Variants in SLC3A2 observed in about 807,000 individuals in gnomAD.
SLC3A2 encodes solute carrier family 3 member 2, also known as amino acid transporter heavy chain SLC3A2.
In SLC3A2, 32 loss-of-function variants were observed where a neutral mutation model predicts 48.5. The ratio of observed to expected loss-of-function variants is 0.66; its 90% CI spans 0.50 to 0.89. SLC3A2 has a LOEUF of 0.89. Ranked by LOEUF, SLC3A2 falls within the 40% of genes least tolerant of loss-of-function variation. SLC3A2 has a pLI of 0.00. For missense variants in SLC3A2, 587 were observed against 680.7 expected (o/e 0.86, Z 1.53); for synonymous variants, 277 against 288.8 (o/e 0.96, Z 0.41).
Position 62,881,631 on chromosome 11 carries a change from G to A in SLC3A2, c.424+184G>A. On this transcript the variant is annotated intron_variant, in intron 1 of 8. Coordinates refer to ENST00000338663, the MANE Select transcript of SLC3A2 (RefSeq NM_001013251.3). The surrounding 1 kb of genome is among the most constrained non-coding windows in gnomAD (Gnocchi z 4.0). ...TTCCCTCCTTTCTTTGAAGAAAGCC[G>A]ACCCGCCCCTCACTCCGTCACGAGG... 1.1e-6 allele frequency: 1 copy of A among 932,018 alleles called. No individual in the cohort carries two copies. The highest frequency in any genetic ancestry group is 1.9e-5 in the South Asian group (1 of 53,890). 57.7% of individuals were successfully genotyped at this position (932,018 alleles called of 1,614,324 possible). A position where few individuals can be genotyped will look rare whatever the true frequency, so the allele number is the denominator to read the frequency against.
chr11:62,866,181 G>A (rs1001982967), intron 1 of SLC3A2, among the ~76,000 whole-genome samples: 3 of 150,974 alleles, frequency 2.0e-5, no homozygotes, highest in Middle Eastern at 3.4e-3. Flanking sequence ...GCAATGGTAC[G>A]ATCTTGGCTC....
At chr11:62,856,441 A>C in intron 1 of SLC3A2, 1 of 1,442,562 alleles carries the variant, frequency 6.9e-7, no homozygotes, top group African/African-American at 1.4e-5. Flanking sequence ...ATTTCGGGAA[A>C]GTATGTCAGG....
At position 62,871,560 on chromosome 11, in the gene SLC3A2, A is replaced by C. The variant is rs193298678; in HGVS notation, c.113-9459A>C. 672 of 631,034 alleles carry C rather than the reference A, an allele frequency of 1.1e-3. 4 individuals are homozygous for C. The highest frequency in any genetic ancestry group is 9.5e-3 in the African/African-American group (508 of 53,464). 39.1% of individuals were successfully genotyped at this position (631,034 alleles called of 1,614,324 possible). A position where few individuals can be genotyped will look rare whatever the true frequency, so the allele number is the denominator to read the frequency against. On this transcript the variant is annotated intron_variant, in intron 1 of 9. Coordinates refer to the SLC3A2 transcript ENST00000377889. ...CAACCATACTTTATATAATATTATT[A>C]TTATTATTATTTGTAGAGACGGGGT...
chr11:62,856,418 CTTT>C (rs965995609), intron 1 of SLC3A2: 10 of 1,552,244 alleles, frequency 6.4e-6, no homozygotes, highest in African/African-American at 1.4e-5. Flanking sequence ...AGGAGGTCCC[CTTT>C]GGTGGGGCCA....
At chr11:62,873,455 C>T (rs2085538261) in intron 1 of SLC3A2, among the ~76,000 whole-genome samples, 1 of 150,802 alleles carries the variant, frequency 6.6e-6, no homozygotes, top group Admixed American at 6.6e-5. Flanking sequence ...CACCACTGCA[C>T]ACCAGCCAGG....
upstream of SLC3A2, among the ~76,000 whole-genome samples, chr11:62,879,177 C>T (rs904936605): frequency 2.0e-5 from 3 of 152,154 alleles, no homozygotes; most frequent in Admixed American, 1.3e-4. Context: ...AAGCGATTCT[C>T]ATGCCACAGC....
upstream of SLC3A2, chr11:62,880,878 C>T (rs771842814): frequency 2.9e-5 from 41 of 1,421,002 alleles, no homozygotes; most frequent in Non-Finnish European, 3.7e-5. Flanking sequence ...TTCCCAGAGG[C>T]CGCGCCTGCT....
upstream of SLC3A2, among the ~76,000 whole-genome samples, chr11:62,879,630 T>C (rs1477331369): frequency 6.6e-6 from 1 of 152,220 alleles, no homozygotes; most frequent in East Asian, 1.9e-4. Context: ...GTGACCCTTT[T>C]CTCTATGCTA....
upstream of SLC3A2, among the ~76,000 whole-genome samples, chr11:62,879,762 C>G (rs988373941): frequency 6.6e-6 from 1 of 152,258 alleles, no homozygotes; most frequent in Non-Finnish European, 1.5e-5. Context: ...GCCCAACTGG[C>G]ACTGTTTAGG....
At chr11:62,883,912 C>G in intron 3 of SLC3A2, 1 of 453,308 alleles carries the variant, frequency 2.2e-6, no homozygotes, top group Admixed American at 2.4e-5. Flanking sequence ...CTAAACTGCC[C>G]TGGGGCTATG....
At chr11:62,856,435 C>T (rs1350129853) in intron 1 of SLC3A2, 1 of 1,476,306 alleles carries the variant, frequency 6.8e-7, no homozygotes, top group Non-Finnish European at 9.3e-7. Context: ...GGGGCCATTT[C>T]GGGAAAGTAT....
intron 1 of SLC3A2, among the ~76,000 whole-genome samples, chr11:62,865,717 G>A (rs746669360): frequency 3.5e-4 from 53 of 151,890 alleles, no homozygotes; most frequent in Admixed American, 1.5e-3. Context: ...TTGGCTATCC[G>A]CATATTTTTC....
intron 7 of SLC3A2, 40 bp from the exon 8 acceptor site, chr11:62,888,095 C>A: frequency 6.4e-7 from 1 of 1,564,026 alleles, no homozygotes; most frequent in Non-Finnish European, 8.8e-7. Flanking sequence ...CCATGCCTGA[C>A]CCCAGGCCTT....
rs541508540 is a variant in SLC3A2 at position 62,859,867 on chromosome 11, G to T, written c.112+3486G>T. ...GGGGGCCAGCCCCTCCACACCTGTG[G>T]GTATTTCTCGTCAGGTGGGACGAGA... is the stretch of plus-strand genomic sequence containing the variant. On this transcript the variant is annotated intron_variant, in intron 1 of 9. Coordinates refer to the SLC3A2 transcript ENST00000377889. Among the ~76,000 whole-genome samples the T allele has an allele frequency of 8.5e-5, 13 of 152,126 alleles. No homozygotes were observed. In the East Asian group the frequency reaches 2.5e-3, roughly 30 times the overall value.
rs940775202 is a variant in SLC3A2, at chr11:62,881,709, G to A, written c.425-184G>A. ...GCGGCGCCAGAAGCCAGTTGCAACC[G>A]GTTTCTGAAGTAATGTGCAGGACTC... On this transcript the variant is annotated intron_variant, in intron 1 of 8. Transcript: ENST00000338663. This position sits in a 1 kb window ranked among gnomAD's most constrained non-coding sequence, Gnocchi z 4.0. 1.2e-6 allele frequency: 1 copy of A among 834,114 alleles called. No individual in the cohort carries two copies. The highest frequency in any genetic ancestry group is 3.0e-5 in the Admixed American group (1 of 33,706). The allele number at this position is 834,114 out of a possible 1,614,324, so 51.7% of individuals were successfully genotyped here. A position where few individuals can be genotyped will look rare whatever the true frequency, so the allele number is the denominator to read the frequency against.
chr11:62,877,063 CT>C (rs71691999), upstream of SLC3A2, among the ~76,000 whole-genome samples: 359 of 134,158 alleles, frequency 2.7e-3, no homozygotes, highest in Middle Eastern at 8.0e-3. Flanking sequence ...TCTTCCTTTT[CT>C]TTTTTTTTTT....
chr11:62,871,093 A>G (rs1355953864), intron 1 of SLC3A2, among the ~76,000 whole-genome samples: 2 of 150,968 alleles, frequency 1.3e-5, no homozygotes, highest in Non-Finnish European at 2.9e-5. Context: ...CATATTGGCC[A>G]GGCTGGTCTT....
intron 1 of SLC3A2, among the ~76,000 whole-genome samples, chr11:62,858,061 C>G (rs1342713985): frequency 1.3e-5 from 2 of 151,596 alleles, no homozygotes; most frequent in South Asian, 4.2e-4. Flanking sequence ...GAAAAAAAAA[C>G]CGGGGAGAGT....
chr11:62,885,101 G>A (rs2085692221), intron 5 of SLC3A2, 76 bp from the exon 6 acceptor site: 2 of 1,518,640 alleles, frequency 1.3e-6, no homozygotes, highest in African/African-American at 2.7e-5. Context: ...AAAGTGTTGG[G>A]ATTACAGGCG....
Sources: gnomAD v4.1 joint callset for allele counts (sites outside exome capture counted in the v4.1 genomes callset) on GRCh38, gnomAD v4.1.1 for gene constraint, Gnocchi (gnomAD v3.1) non-coding constraint, MANE v1.5 for transcripts, NCBI Gene and HGNC (gene_info 2026-07-23, HGNC 2026-07-21) for gene names.